Variants in STARD13 observed in about 807,000 individuals in gnomAD.
The protein encoded by STARD13 is StAR related lipid transfer domain containing 13.
STARD13 carries 62 observed loss-of-function variants against 106.4 expected under a neutral mutation model. That is an observed-to-expected ratio of 0.58 (90% CI 0.48 to 0.72). The LOEUF (loss-of-function observed/expected upper bound fraction) is 0.72, where lower values mean the gene tolerates loss of function less well. STARD13 is among the 30% of genes least tolerant of loss of function. STARD13 has a pLI of 0.00. For synonymous variants in STARD13, 565 were observed against 553.0 expected, an observed-to-expected ratio of 1.02 and a Z score of -0.31; for missense variants, 1,387 against 1,424.0, an observed-to-expected ratio of 0.97 and a Z score of 0.42.
intron 1 of STARD13, among the ~76,000 whole-genome samples, chr13:33,323,603 A>G (rs1893636917): frequency 6.6e-6 from 1 of 152,222 alleles, no homozygotes; most frequent in South Asian, 2.1e-4. Flanking sequence ...CATGGTACTT[A>G]GCTTCTCATT....
chr13:33,611,477 CCTATT>C, the STARD13 span: 1 of 152,230 alleles, frequency 6.6e-6, no homozygotes, highest in East Asian at 1.9e-4. Flanking sequence ...TTTCAAACCT[CCTATT>C]CTTTGCACTA....
chr13:33,676,105 G>A, the STARD13 span, among the ~76,000 whole-genome samples: 5 of 152,080 alleles, frequency 3.3e-5, no homozygotes, highest in Non-Finnish European at 7.4e-5. Flanking sequence ...TTAATTTGCC[G>A]CAATCACAGG....
the STARD13 span, among the ~76,000 whole-genome samples, chr13:33,542,902 G>A: frequency 1.3e-3 from 199 of 152,286 alleles, 5 homozygotes; most frequent in South Asian, 0.018. Flanking sequence ...CAGAGAAACC[G>A]TGGCCCCTGC....
chr13:33,539,640 C>T, the STARD13 span, among the ~76,000 whole-genome samples: 78 of 152,222 alleles, frequency 5.1e-4, no homozygotes, highest in Non-Finnish European at 8.8e-4. Flanking sequence ...ATCTTTTTAA[C>T]GAATGCTACC....
the STARD13 span, among the ~76,000 whole-genome samples, chr13:33,465,354 C>T: frequency 2.4e-4 from 36 of 151,788 alleles, no homozygotes; most frequent in East Asian, 6.4e-3. Context: ...TACAGGTGCC[C>T]GCCACCACGC....
At chr13:33,180,715 G>A (rs1275578918) in intron 1 of STARD13, among the ~76,000 whole-genome samples, 1 of 152,176 alleles carries the variant, frequency 6.6e-6, no homozygotes, top group Non-Finnish European at 1.5e-5. Context: ...GTGAGGAGGT[G>A]ACGGGGAAAG....
chr13:33,573,590 A>G, the STARD13 span, among the ~76,000 whole-genome samples: 1 of 152,220 alleles, frequency 6.6e-6, no homozygotes, highest in East Asian at 1.9e-4. Context: ...CATTTCTGAA[A>G]CAATCAGACT....
intron 1 of STARD13, chr13:33,336,364 T>C (rs946485754): frequency 1.3e-5 from 2 of 152,224 alleles, no homozygotes; most frequent in African/African-American, 2.4e-5. Context: ...CAAGCCACTG[T>C]TACAGGACCA....
chr13:33,183,629 T>TA (rs1885456863), intron 1 of STARD13, among the ~76,000 whole-genome samples: 1 of 152,136 alleles, frequency 6.6e-6, no homozygotes, highest in Admixed American at 6.5e-5. Flanking sequence ...TCATGAAGCT[T>TA]AGAGGTCTTC....
At chr13:33,605,496 G>A in the STARD13 span, among the ~76,000 whole-genome samples, 1 of 151,920 alleles carries the variant, frequency 6.6e-6, no homozygotes, top group African/African-American at 2.4e-5. Flanking sequence ...ACAAAATTAT[G>A]TGCTTGGATG....
chr13:33,285,802 C>T (rs1455802642), upstream of STARD13: 16 of 1,420,398 alleles, frequency 1.1e-5, no homozygotes, highest in Non-Finnish European at 1.4e-5. Flanking sequence ...TTCCAACCCC[C>T]GGGGCCCTCA....
chr13:33,519,903 TATTTGCAGGCCG>T, the STARD13 span: 143 of 152,288 alleles, frequency 9.4e-4, 1 homozygote, highest in African/African-American at 3.1e-3. Context: ...ACTCCATAAA[TATTTGCAGGCCG>T]ACTTGTTCAA....
chr13:33,123,269 G>A (rs1353956428), intron 7 of STARD13, among the ~76,000 whole-genome samples: 3 of 152,078 alleles, frequency 2.0e-5, no homozygotes, highest in Admixed American at 6.5e-5. Flanking sequence ...GAGCATGAGT[G>A]GTGCATTAGA....
At chr13:33,573,184 G>A in the STARD13 span, among the ~76,000 whole-genome samples, 10 of 152,118 alleles carry the variant, frequency 6.6e-5, no homozygotes, top group African/African-American at 2.4e-4. Flanking sequence ...TCTAGATAAT[G>A]CATTTACCTA....
At chr13:33,546,928 A>C in the STARD13 span, among the ~76,000 whole-genome samples, 31 of 152,298 alleles carry the variant, frequency 2.0e-4, no homozygotes, top group Non-Finnish European at 4.3e-4. Flanking sequence ...GGAATAGCTC[A>C]TTTTAAGCCC....
the STARD13 span, among the ~76,000 whole-genome samples, chr13:33,547,145 T>C: frequency 1.3e-5 from 2 of 152,322 alleles, no homozygotes; most frequent in East Asian, 3.9e-4. Flanking sequence ...TTCTTTTTCT[T>C]TTGGCCATGT....
chr13:33,228,160 A>G (rs1271688542), intron 1 of STARD13, among the ~76,000 whole-genome samples: 1 of 152,222 alleles, frequency 6.6e-6, no homozygotes, highest in Non-Finnish European at 1.5e-5. Context: ...GCACAGAAGC[A>G]TGAAGAGTAC....
the STARD13 span, among the ~76,000 whole-genome samples, chr13:33,458,502 C>T: frequency 1.3e-5 from 2 of 152,020 alleles, no homozygotes; most frequent in Non-Finnish European, 2.9e-5. Context: ...GGTAGAGAAA[C>T]TTTTAAGTTT....
intron 13 of STARD13, among the ~76,000 whole-genome samples, chr13:33,106,523 G>A (rs7995975): frequency 0.14 from 21,306 of 152,188 alleles, 1,799 homozygotes; most frequent in East Asian, 0.32. Flanking sequence ...AGAAATATAA[G>A]TAGGCATAAA....
Sources: allele counts gnomAD v4.1 joint callset (sites outside exome capture counted in the v4.1 genomes callset), GRCh38; gene constraint gnomAD v4.1.1; transcripts MANE v1.5; gene names NCBI Gene and HGNC (gene_info 2026-07-23, HGNC 2026-07-21).